The following SORCS2 variants were observed in gnomAD, a reference collection of about 807,000 sequenced individuals.
SORCS2 encodes the protein VPS10 domain-containing receptor SorCS2.
In SORCS2, 100 loss-of-function variants were observed where a neutral mutation model predicts 141.6. The ratio of observed to expected loss-of-function variants is 0.71; its 90% CI spans 0.60 to 0.83. The LOEUF (loss-of-function observed/expected upper bound fraction) is 0.83. Ranked by LOEUF, SORCS2 falls within the 40% of genes least tolerant of loss-of-function variation. The pLI is 0.00. For missense variants in SORCS2, 1,646 were observed against 1,560.2 expected (o/e 1.05, Z -0.93); for synonymous variants, 789 against 676.9 (o/e 1.17, Z -2.57).
chr4:7,673,987 A>C (rs1316344841), intron 8 of SORCS2, among the ~76,000 whole-genome samples: 1 of 152,176 alleles, frequency 6.6e-6, no homozygotes, highest in Admixed American at 6.5e-5. Flanking sequence ...GACAGAGTGC[A>C]TTTTGGCCCA....
chr4:7,727,988 A>G (rs1005336065), intron 21 of SORCS2, among the ~76,000 whole-genome samples: 1 of 152,206 alleles, frequency 6.6e-6, no homozygotes, highest in African/African-American at 2.4e-5. Context: ...CTTGTGAGTC[A>G]AGGAGGCAAA....
chr4:7,420,548 C>T (rs1256510352), intron 2 of SORCS2, among the ~76,000 whole-genome samples: 1 of 152,138 alleles, frequency 6.6e-6, no homozygotes, highest in Non-Finnish European at 1.5e-5. Context: ...TGGAGGCAGA[C>T]CTCATGGGAC....
intron 4 of SORCS2, among the ~76,000 whole-genome samples, chr4:7,653,280 G>A (rs1012432545): frequency 6.6e-6 from 1 of 152,162 alleles, no homozygotes; most frequent in Non-Finnish European, 1.5e-5. Context: ...TTTTGCTCTT[G>A]TTGCTAGGGC....
chr4:7,226,782 G>A (rs1224844274), intron 1 of SORCS2, among the ~76,000 whole-genome samples: 2 of 152,166 alleles, frequency 1.3e-5, no homozygotes, highest in Non-Finnish European at 2.9e-5. Flanking sequence ...GGATGGAAGG[G>A]GGGCACGCCT....
intron 2 of SORCS2, among the ~76,000 whole-genome samples, chr4:7,472,118 T>A (rs966829420): frequency 3.3e-5 from 5 of 152,140 alleles, no homozygotes; most frequent in African/African-American, 1.2e-4. Context: ...CACTCAGGAG[T>A]GCTCTGTGCT....
chr4:7,518,645 G>A (rs563509933), intron 2 of SORCS2, among the ~76,000 whole-genome samples: 24 of 152,264 alleles, frequency 1.6e-4, no homozygotes, highest in African/African-American at 5.3e-4. Context: ...CCAGCAGCGG[G>A]AGAAAGAGGT....
At chr4:7,615,228 G>C in intron 3 of SORCS2, among the ~76,000 whole-genome samples, 1 of 152,188 alleles carries the variant, frequency 6.6e-6, no homozygotes, top group East Asian at 1.9e-4. Flanking sequence ...TGGCACTGCT[G>C]TAGTTTCTGG....
chr4:7,266,337 G>A (rs1313455296), intron 1 of SORCS2, among the ~76,000 whole-genome samples: 1 of 152,188 alleles, frequency 6.6e-6, no homozygotes, highest in Non-Finnish European at 1.5e-5. Flanking sequence ...TCCTACCCGA[G>A]CCCTGGCTTG....
chr4:7,656,947 C>T (rs1430845303), intron 5 of SORCS2, among the ~76,000 whole-genome samples: 7 of 152,250 alleles, frequency 4.6e-5, no homozygotes, highest in Admixed American at 1.3e-4. Flanking sequence ...CGCCTGCCCC[C>T]GGCCAGCTCA....
chr4:7,573,057 T>A (rs2109717332), intron 3 of SORCS2, among the ~76,000 whole-genome samples: 1 of 152,378 alleles, frequency 6.6e-6, no homozygotes, highest in Non-Finnish European at 1.5e-5. Context: ...AAGCTGCGTG[T>A]GTTGCTGCTT....
At chr4:7,595,684 G>T (rs558056380) in intron 3 of SORCS2, among the ~76,000 whole-genome samples, 148 of 152,268 alleles carry the variant, frequency 9.7e-4, no homozygotes, top group African/African-American at 3.4e-3. Flanking sequence ...CACAGGCCAG[G>T]GATGTCCTGT....
chr4:7,719,033 T>C (rs1263732156), intron 18 of SORCS2, among the ~76,000 whole-genome samples: 1 of 152,262 alleles, frequency 6.6e-6, no homozygotes, highest in Non-Finnish European at 1.5e-5. Context: ...GAGGGTTCGA[T>C]GCATCCGTGT....
intron 2 of SORCS2, among the ~76,000 whole-genome samples, chr4:7,424,260 G>A (rs557446840): frequency 1.3e-5 from 2 of 152,304 alleles, no homozygotes; most frequent in South Asian, 2.1e-4. Context: ...CTGGCTCCTC[G>A]TCTGAAGGGT....
At chr4:7,221,733 G>T (rs887787963) in intron 1 of SORCS2, among the ~76,000 whole-genome samples, 2 of 152,252 alleles carry the variant, frequency 1.3e-5, no homozygotes, top group Non-Finnish European at 2.9e-5. Flanking sequence ...CTGCTGGGCC[G>T]TGGAGCGGGC....
At chr4:7,725,012 T>C in intron 19 of SORCS2, 142 bp from the exon 20 acceptor site, 2 of 869,974 alleles carry the variant, frequency 2.3e-6, no homozygotes, top group Non-Finnish European at 3.5e-6. Flanking sequence ...GTGATGGTGG[T>C]GGTGGTGGTG....
intron 1 of SORCS2, among the ~76,000 whole-genome samples, chr4:7,257,867 G>A (rs1259951969): frequency 6.6e-6 from 1 of 152,230 alleles, no homozygotes; most frequent in African/African-American, 2.4e-5. Context: ...GGCGCCGACA[G>A]GAGATGGGAG....
At chr4:7,277,575 T>C (rs1426890896) in intron 1 of SORCS2, among the ~76,000 whole-genome samples, 2 of 152,158 alleles carry the variant, frequency 1.3e-5, no homozygotes, top group African/African-American at 2.4e-5. Context: ...GCAGAAACTG[T>C]TGATTTACTT....
chr4:7,446,597 C>T (rs916727668), intron 2 of SORCS2, among the ~76,000 whole-genome samples: 2 of 152,118 alleles, frequency 1.3e-5, no homozygotes, highest in African/African-American at 4.8e-5. Context: ...CCTTTGTCCC[C>T]AGCATGACCC....
At position 7,300,997 on chromosome 4, in the gene SORCS2, G is replaced by C. The variant is rs571093699; in HGVS notation, c.481-95291G>C. Among the ~76,000 whole-genome samples, 58 of 152,266 alleles carry C rather than the reference G, an allele frequency of 3.8e-4. 1 individual carries two copies. Among genetic ancestry groups the C allele is most frequent in the African/African-American group, 1.3e-3 (53 of 41,554 alleles). On this transcript the variant is annotated intron_variant, in intron 1 of 26. Coordinates refer to ENST00000507866, the MANE Select transcript of SORCS2 (RefSeq NM_020777.3). ...CTTCCTGCCTCTTCTGTGTGGCCCA[G>C]CTGTCTGTGAGGTGCTCAGTCTAAG...
Sources: allele counts gnomAD v4.1 joint callset (sites outside exome capture counted in the v4.1 genomes callset), GRCh38; gene constraint gnomAD v4.1.1; transcripts MANE v1.5; gene names NCBI Gene and HGNC (gene_info 2026-07-23, HGNC 2026-07-21).